OR8D4: variants seen among roughly 807,000 people sequenced by gnomAD.
The protein encoded by OR8D4 is olfactory receptor 8D4.
For synonymous variants in OR8D4, 141 were observed against 134.8 expected (o/e 1.05, Z -0.32); for missense variants, 359 against 372.6 (o/e 0.96, Z 0.30).
Position 123,906,796 on chromosome 11 carries a change from G to A in OR8D4, c.365G>A (p.Arg122His), listed in dbSNP as rs987190991. ...ATGCTGGCAGCCATGGCCTGCGATC[G>A]CTACGTGGCCATCTGCAGCCCACTG... ...CYMLAAMACD[R>H]YVAICSPLLY... The change falls in exon 2 of 2, where the codon CGC becomes CAC. Residue 122 changes from arginine (R) to histidine (H), a missense_variant. Transcript: ENST00000641687. The A allele has an allele frequency of 7.4e-6, 12 of 1,613,706 alleles. No individual in the cohort carries two copies. The highest frequency in any genetic ancestry group is 4.4e-5 in the South Asian group (4 of 91,068).
intron 1 of OR8D4, 113 bp from the exon 2 acceptor site, chr11:123,906,304 T>G: frequency 1.6e-6 from 1 of 633,872 alleles, no homozygotes. Flanking sequence ...AGTGTTCACT[T>G]TTTGGTTTTC....
At chr11:123,903,222 C>T (rs1333921595) in intron 1 of OR8D4, among the ~76,000 whole-genome samples, 1 of 151,870 alleles carries the variant, frequency 6.6e-6, no homozygotes, top group Non-Finnish European at 1.5e-5. Context: ...CATAAAAATA[C>T]GACACCATTT....
rs1487021434 is a variant in OR8D4 at position 123,907,146 on chromosome 11, A to G, written c.715A>G (p.Ser239Gly). ...HSKKGRCKAFSTCSSHLTAVL... is the reference protein window; with the variant it reads ...HSKKGRCKAFGTCSSHLTAVL... Reference sequence around the variant, plus strand: ...TAAAAAGGGCAGGTGCAAAGCGTTTAGCACCTGTAGCTCCCACCTGACAGC... The same window carrying G: ...TAAAAAGGGCAGGTGCAAAGCGTTTGGCACCTGTAGCTCCCACCTGACAGC... Residue 239 changes from serine (S) to glycine (G), a missense_variant, in exon 2 of 2, where the codon AGC (serine) becomes GGC (glycine). Ser to Gly is a moderately conservative substitution (Grantham distance 56). Coordinates refer to ENST00000641687, the MANE Select transcript of OR8D4 (RefSeq NM_001005197.2). The G allele has an allele frequency of 1.2e-6, 2 of 1,613,556 alleles. No individual in the cohort carries two copies. Among genetic ancestry groups the G allele is most frequent in the South Asian group, 2.2e-5 (2 of 91,056 alleles).
rs1591438953 is a variant in OR8D4 at position 123,908,817 on chromosome 11, C to A, written c.*1441C>A. The stretch of plus-strand genomic sequence containing the variant: ...GCAAGTACAAAGTCGAAGGCTGGAA[C>A]AAACTTGGCCATATTCAAGAAACGG... On this transcript the variant is annotated 3_prime_UTR_variant, in exon 2 of 2. Transcript: ENST00000641687. The A allele has an allele frequency of 6.6e-6, 1 of 152,128 alleles. No individual in the cohort carries two copies. The highest frequency in any genetic ancestry group is 2.4e-5 in the African/African-American group (1 of 41,438). The allele number at this position is 152,128 out of a possible 1,614,324, so 9.4% of individuals were successfully genotyped here. A position where few individuals can be genotyped will look rare whatever the true frequency, so the allele number is the denominator to read the frequency against.
At chr11:123,902,549 T>G (rs947785706) in intron 1 of OR8D4, among the ~76,000 whole-genome samples, 8 of 152,208 alleles carry the variant, frequency 5.3e-5, no homozygotes, top group African/African-American at 1.9e-4. Context: ...ACATTCACAG[T>G]TATTGTCTCA....
Position 123,907,634 on chromosome 11 carries a change from C to G in OR8D4, c.*258C>G, listed in dbSNP as rs189045009. 400 of 173,402 alleles carry G rather than the reference C, an allele frequency of 2.3e-3. 2 individuals are homozygous for G. The highest frequency in any genetic ancestry group is 8.9e-3 in the African/African-American group (374 of 41,944). 10.7% of individuals were successfully genotyped at this position (173,402 alleles called of 1,614,324 possible). On this transcript the variant is annotated 3_prime_UTR_variant, in exon 2 of 2. Coordinates refer to ENST00000641687, the MANE Select transcript of OR8D4 (RefSeq NM_001005197.2). ...TGGTGGTGGGCACCTGTAATCCCACCTACTTGGGAGGCTGAGGCAGAAGAA... is the reference window on the plus strand; with the variant it reads ...TGGTGGTGGGCACCTGTAATCCCACGTACTTGGGAGGCTGAGGCAGAAGAA...
chr11:123,905,329 T>C (rs2137492199), intron 1 of OR8D4, among the ~76,000 whole-genome samples: 1 of 152,358 alleles, frequency 6.6e-6, no homozygotes, highest in East Asian at 1.9e-4. Flanking sequence ...TGAGCCATGC[T>C]TGTGCTATAA....
chr11:123,903,048 T>TA (rs5795392), intron 1 of OR8D4, among the ~76,000 whole-genome samples: 111,492 of 151,658 alleles, frequency 0.74, 41,339 homozygotes, highest in African/African-American at 0.81. Context: ...GATTTTTTTT[T>TA]AATGGGTGGT....
rs762992701 is a variant in OR8D4, at chr11:123,902,258, G to T, written c.-16+1G>T. 1 of 152,124 alleles carries T rather than the reference G, an allele frequency of 6.6e-6. No individual in the cohort carries two copies. The highest frequency in any genetic ancestry group is 1.5e-5 in the Non-Finnish European group (1 of 68,012). The allele number at this position is 152,124 out of a possible 1,614,324, so 9.4% of individuals were successfully genotyped here. A position where few individuals can be genotyped will look rare whatever the true frequency, so the allele number is the denominator to read the frequency against. On this transcript the variant is annotated splice_donor_variant, in intron 1 of 1. Transcript: ENST00000641687. LOFTEE classifies it low-confidence loss of function (5UTR_SPLICE). ...ACCTACAGTCTTCAGGAGGAAAAAG[G>T]TGAGCTTCAGAATTATGATGTTCAT...
At chr11:123,904,620 T>G (rs537968005) in intron 1 of OR8D4, among the ~76,000 whole-genome samples, 1 of 152,216 alleles carries the variant, frequency 6.6e-6, no homozygotes, top group Admixed American at 6.5e-5. Flanking sequence ...ATCTCCATCA[T>G]TTAGGATGAG....
chr11:123,906,927 T>A lies in OR8D4; in HGVS notation c.496T>A (p.Leu166Met), dbSNP rs1159796028. The change falls in exon 2 of 2, where the codon TTG (leucine) becomes ATG (methionine). Residue 166 changes from leucine to methionine, a missense_variant. Coordinates refer to ENST00000641687, the MANE Select transcript of OR8D4 (RefSeq NM_001005197.2). ...AVIHGGCILR[L>M]SFCGSNIIKH... ...GATCCATGGAGGTTGTATACTCAGGTTGTCTTTCTGTGGATCAAACATCAT... is the reference window on the plus strand; with the variant it reads ...GATCCATGGAGGTTGTATACTCAGGATGTCTTTCTGTGGATCAAACATCAT... The A allele has an allele frequency of 1.9e-6, 3 of 1,613,890 alleles. No homozygotes were observed. The South Asian group carries it at 3.3e-5, about 18-fold the overall frequency.
chr11:123,904,031 T>G (rs937831908), intron 1 of OR8D4, among the ~76,000 whole-genome samples: 5 of 152,044 alleles, frequency 3.3e-5, no homozygotes, highest in Non-Finnish European at 5.9e-5. Flanking sequence ...AAATAGCGCC[T>G]CTCAAATGTT....
intron 1 of OR8D4, 89 bp from the exon 2 acceptor site, chr11:123,906,327 CA>C (rs770937401): frequency 6.3e-6 from 5 of 787,544 alleles, no homozygotes; most frequent in Non-Finnish European, 9.8e-6. Context: ...AACACAAAGT[CA>C]GTGTTTTCAT....
Position 123,906,672 on chromosome 11 carries a change from A to C in OR8D4, c.241A>C (p.Met81Leu). 2.5e-6 allele frequency: 4 copies of C among 1,613,554 alleles called. No individual in the cohort carries two copies. The highest frequency in any genetic ancestry group is 3.4e-6 in the Non-Finnish European group (4 of 1,179,492). Reference protein sequence around the residue: ...FCYSSVITPKMLSGFLCRDRS... With the variant: ...FCYSSVITPKLLSGFLCRDRS... The stretch of plus-strand genomic sequence containing the variant: ...CTATTCTTCTGTCATTACCCCTAAA[A>C]TGCTATCAGGGTTTTTATGCAGAGA... Residue 81 changes from methionine to leucine, a missense_variant, in exon 2 of 2, where the codon ATG (methionine) becomes CTG (leucine). Met to Leu is a conservative substitution (Grantham distance 15). Coordinates refer to ENST00000641687, the MANE Select transcript of OR8D4 (RefSeq NM_001005197.2).
chr11:123,902,541 A>C (rs1863168635), intron 1 of OR8D4, among the ~76,000 whole-genome samples: 2 of 152,222 alleles, frequency 1.3e-5, no homozygotes, highest in African/African-American at 4.8e-5. Flanking sequence ...TGTAAAATAC[A>C]TTCACAGTTA....
At position 123,906,400 on chromosome 11, in the gene OR8D4, C is replaced by T. The variant is rs1467076811; in HGVS notation, c.-15-17C>T. On this transcript the variant is annotated splice_polypyrimidine_tract_variant and intron_variant, in intron 1 of 1. Transcript: ENST00000641687. ...AAACACTGATAGAATTTGACTTTTT[C>T]TCTCTCATCTCCACAGATTTCTCAG... 7.1e-7 allele frequency: 1 copy of T among 1,400,218 alleles called. No individual in the cohort carries two copies. Among genetic ancestry groups the T allele is most frequent in the Non-Finnish European group, 9.8e-7 (1 of 1,024,390 alleles). The allele number at this position is 1,400,218 out of a possible 1,614,324, so 86.7% of individuals were successfully genotyped here.
In OR8D4 at chr11:123,907,187, T is replaced by C. The variant is rs748109462; in HGVS notation, c.756T>C (p.Tyr252=). 4 of 1,613,836 alleles carry C rather than the reference T, an allele frequency of 2.5e-6. No individual in the cohort carries two copies. The highest frequency in any genetic ancestry group is 3.4e-6 in the Non-Finnish European group (4 of 1,179,842). ...SSHLTAVLMF[Y]GSLMSMYLKP... is the part of the protein sequence containing the mutation. ...ACCTGACAGCTGTTCTTATGTTTTA[T>C]GGGTCTCTGATGTCCATGTATCTCA... is the stretch of plus-strand genomic sequence containing the variant. The change falls in exon 2 of 2, where the codon TAT becomes TAC. Residue 252 remains tyrosine, a synonymous_variant. Coordinates refer to ENST00000641687, the MANE Select transcript of OR8D4 (RefSeq NM_001005197.2).
At chr11:123,903,247 G>A (rs1565568468) in intron 1 of OR8D4, among the ~76,000 whole-genome samples, 2 of 152,134 alleles carry the variant, frequency 1.3e-5, no homozygotes, top group African/African-American at 2.4e-5. Context: ...TCAGGGACTT[G>A]AGCATTCAGG....
intron 1 of OR8D4, among the ~76,000 whole-genome samples, chr11:123,902,466 T>C (rs1444948378): frequency 6.6e-6 from 1 of 152,152 alleles, no homozygotes; most frequent in Non-Finnish European, 1.5e-5. Flanking sequence ...AATATATGAA[T>C]TAATCTGTGA....
Sources: gnomAD v4.1 joint callset for allele counts (sites outside exome capture counted in the v4.1 genomes callset) on GRCh38, gnomAD v4.1.1 for gene constraint, MANE v1.5 for transcripts, NCBI Gene and HGNC (gene_info 2026-07-23, HGNC 2026-07-21) for gene names.